Variants in LUC7L observed in about 807,000 individuals in gnomAD.
LUC7L encodes LUC7 like, also known as putative RNA-binding protein Luc7-like 1.
A neutral mutation model predicts 51.1 loss-of-function variants in LUC7L; 29 were observed. The ratio of observed to expected loss-of-function variants is 0.57; its 90% CI spans 0.42 to 0.77. LUC7L has a LOEUF of 0.77. Among genes scored for constraint, LUC7L ranks in the 30% least tolerant of loss-of-function variants. The pLI is 0.00. For synonymous variants in LUC7L, 181 were observed against 180.7 expected, an observed-to-expected ratio of 1.00 and a Z score of -0.01; for missense variants, 403 against 511.9, an observed-to-expected ratio of 0.79 and a Z score of 2.05.
chr16:190,395 G>A (rs1414627749), intron 8 of LUC7L, 146 bp downstream of exon 8: 9 of 887,298 alleles, frequency 1.0e-5, no homozygotes, highest in East Asian at 1.0e-4. Flanking sequence ...AACCCTCCAC[G>A]GCACCAAGCA....
intron 8 of LUC7L, 47 bp downstream of exon 8, chr16:190,494 T>A: frequency 1.3e-6 from 2 of 1,592,902 alleles, no homozygotes; most frequent in Non-Finnish European, 1.7e-6. Flanking sequence ...GAAAAATGCT[T>A]ATGGAAAAAA....
At chr16:198,687 GTTTT>G (rs950618177) in intron 6 of LUC7L, among the ~76,000 whole-genome samples, 3 of 151,742 alleles carry the variant, frequency 2.0e-5, no homozygotes, top group Non-Finnish European at 4.4e-5. Context: ...AGAACATAAT[GTTTT>G]TTGTTTTTTT....
chr16:200,791 A>G (rs574148852), intron 5 of LUC7L, among the ~76,000 whole-genome samples: 2 of 151,444 alleles, frequency 1.3e-5, no homozygotes, highest in South Asian at 4.2e-4. Context: ...CTGATTCGAG[A>G]GGACTGCTTG....
chr16:221,303 C>T (rs140605644), intron 2 of LUC7L, among the ~76,000 whole-genome samples: 4 of 151,286 alleles, frequency 2.6e-5, no homozygotes, highest in Non-Finnish European at 5.9e-5. Context: ...CCTTGGCCTC[C>T]CAAAGAGCTG....
chr16:196,981 C>T (rs1274745270), intron 6 of LUC7L, among the ~76,000 whole-genome samples: 1 of 147,104 alleles, frequency 6.8e-6, no homozygotes, highest in Non-Finnish European at 1.5e-5. Context: ...AATTTCGGCT[C>T]AGTGCAAGCT....
At chr16:213,358 T>G (rs1004813874) in intron 3 of LUC7L, among the ~76,000 whole-genome samples, 1 of 151,786 alleles carries the variant, frequency 6.6e-6, no homozygotes, top group African/African-American at 2.4e-5. Flanking sequence ...CCATCAAGCT[T>G]AAGGTGATGG....
At chr16:202,859 C>T (rs1463625745) in intron 5 of LUC7L, among the ~76,000 whole-genome samples, 2 of 152,156 alleles carry the variant, frequency 1.3e-5, no homozygotes, top group Non-Finnish European at 2.9e-5. Flanking sequence ...CCGATCCCTT[C>T]AAAGACAGCC....
chr16:197,206 CCTTT>C (rs1268195222), intron 6 of LUC7L, among the ~76,000 whole-genome samples: 49 of 137,896 alleles, frequency 3.6e-4, no homozygotes, highest in Non-Finnish European at 6.2e-4. Flanking sequence ...CTGCACCCAG[CCTTT>C]TTTTTTTTTT....
intron 5 of LUC7L, among the ~76,000 whole-genome samples, chr16:205,466 C>T (rs780672449): frequency 2.6e-5 from 4 of 152,160 alleles, no homozygotes; most frequent in African/African-American, 4.8e-5. Flanking sequence ...GACAAGTCAA[C>T]GTAGACCCAC....
At chr16:216,639 C>T (rs764345521) in intron 3 of LUC7L, among the ~76,000 whole-genome samples, 6 of 152,144 alleles carry the variant, frequency 3.9e-5, no homozygotes, top group African/African-American at 1.4e-4. Flanking sequence ...CTCGGCCTCC[C>T]GAAGTGCTGA....
chr16:222,951 TAAAA>T (rs376499817), intron 2 of LUC7L, among the ~76,000 whole-genome samples: 1 of 119,892 alleles, frequency 8.3e-6, no homozygotes, highest in Non-Finnish European at 1.8e-5. Context: ...CCCCGTCTTT[TAAAA>T]AAAAAAAAAA....
rs753467830 is a variant in LUC7L at position 189,154 on chromosome 16, G to A, written c.*44C>T. On this transcript the variant is annotated 3_prime_UTR_variant, in exon 10 of 10. Transcript: ENST00000293872. ...CAAATATAAAGGGTAATTTTAGACT[G>A]TGTGAACGTTTATCAGACTATTTAC... 2.6e-6 allele frequency: 4 copies of A among 1,564,274 alleles called. No homozygotes were observed. In the South Asian group the frequency reaches 3.4e-5, roughly 13 times the overall value.
intron 5 of LUC7L, among the ~76,000 whole-genome samples, chr16:202,410 G>A (rs930280816): frequency 6.6e-6 from 1 of 152,070 alleles, no homozygotes; most frequent in Non-Finnish European, 1.5e-5. Context: ...ATTTCAACAT[G>A]AGATTTGGAC....
At chr16:210,313 T>C (rs993705313) in intron 3 of LUC7L, among the ~76,000 whole-genome samples, 2 of 152,142 alleles carry the variant, frequency 1.3e-5, no homozygotes, top group African/African-American at 4.8e-5. Flanking sequence ...CTGCTTCTTG[T>C]TGGTCACCCA....
At chr16:204,467 G>A (rs553253875) in intron 5 of LUC7L, among the ~76,000 whole-genome samples, 6 of 151,878 alleles carry the variant, frequency 4.0e-5, no homozygotes, top group South Asian at 2.1e-4. Flanking sequence ...GGTGGTGGGC[G>A]CCTGTAGTCT....
At position 201,220 on chromosome 16, in the gene LUC7L, C is replaced by T. The variant is rs372629565; in HGVS notation, c.511-1982G>A. Among the ~76,000 whole-genome samples, 519 of 117,786 alleles carry T rather than the reference C, an allele frequency of 4.4e-3. 3 individuals carry two copies. Among genetic ancestry groups the T allele is most frequent in the East Asian group, 0.027 (104 of 3,808 alleles). 77.3% of individuals were successfully genotyped at this position (117,786 alleles called of 152,430 possible). A position where few individuals can be genotyped will look rare whatever the true frequency, so the allele number is the denominator to read the frequency against. The stretch of plus-strand genomic sequence containing the variant: ...AAGGAACTAGCAAGAACTTGAATTT[C>T]CATTATAGTATGCTACATAACTAAA... On this transcript the variant is annotated intron_variant, in intron 5 of 9. Transcript: ENST00000293872.
chr16:225,774 C>G (rs533662644), intron 2 of LUC7L, among the ~76,000 whole-genome samples: 1 of 150,944 alleles, frequency 6.6e-6, no homozygotes. Context: ...CGTGAGCCAC[C>G]GCACCCAGCC....
intron 1 of LUC7L, 94 bp from the exon 2 acceptor site, chr16:227,430 C>CTA (rs1175498911): frequency 1.2e-5 from 18 of 1,515,644 alleles, no homozygotes; most frequent in Non-Finnish European, 1.5e-5. Flanking sequence ...GATTTGCAGA[C>CTA]TATCATTTCT....
intron 5 of LUC7L, among the ~76,000 whole-genome samples, chr16:200,536 A>G (rs1210380282): frequency 6.6e-6 from 1 of 151,978 alleles, no homozygotes; most frequent in Non-Finnish European, 1.5e-5. Flanking sequence ...AGATCACACC[A>G]CTGCATTCCA....
Sources: gnomAD v4.1 joint callset for allele counts (sites outside exome capture counted in the v4.1 genomes callset) on GRCh38, gnomAD v4.1.1 for gene constraint, MANE v1.5 for transcripts, NCBI Gene and HGNC (gene_info 2026-07-23, HGNC 2026-07-21) for gene names.